Variants in RAB5C observed in about 807,000 individuals in gnomAD.
RAB5C encodes the protein ras-related protein Rab-5C.
RAB5C carries 4 observed loss-of-function variants against 25.2 expected under a neutral mutation model. The ratio of observed to expected loss-of-function variants is 0.16; its 90% confidence interval spans 0.08 to 0.36. RAB5C has a LOEUF of 0.36. Among genes scored for constraint, RAB5C ranks in the 10% least tolerant of loss-of-function variants. The pLI, the probability that RAB5C is intolerant of heterozygous loss-of-function variation, is 1.00. For missense variants in RAB5C, 199 were observed against 283.8 expected (o/e 0.70, Z 2.15); for synonymous variants, 100 against 106.4 (o/e 0.94, Z 0.37).
intron 1 of RAB5C, among the ~76,000 whole-genome samples, chr17:42,139,197 G>A (rs748607238): frequency 6.6e-6 from 1 of 151,708 alleles, no homozygotes; most frequent in African/African-American, 2.4e-5. Context: ...CAGTGTGGTC[G>A]GCCAGTGCTG....
At position 42,154,891 on chromosome 17, in the gene RAB5C, ACGGCGGCTCCGGGG is replaced by A. The variant is rs1199653666; in HGVS notation, c.-101_-89+1del. On this transcript the variant is annotated splice_donor_variant and 5_prime_UTR_variant, in exon 1 of 6. Coordinates refer to ENST00000346213, the MANE Select transcript of RAB5C (RefSeq NM_004583.4). LOFTEE classifies it low-confidence loss of function (5UTR_SPLICE). ...ACCAGGTCCTGGGACAAGCATACTC[ACGGCGGCTCCGGGG>A]CGGCGGCGTTACTTGGGGCCGGGGC... 1 of 152,434 alleles carries A rather than the reference ACGGCGGCTCCGGGG, an allele frequency of 6.6e-6. No individual in the cohort carries two copies. The highest frequency in any genetic ancestry group is 1.9e-4 in the East Asian group (1 of 5,300). The allele number at this position is 152,434 out of a possible 1,614,324, so 9.4% of individuals were successfully genotyped here.
chr17:42,131,187 A>C lies in RAB5C; in HGVS notation c.-88-597T>G, dbSNP rs935734411. ...TTAACATAGCCATTTTTCTCCTGCC[A>C]CCTTCAGAAGGACTGACCGACTTTC... On this transcript the variant is annotated intron_variant, in intron 1 of 5. Transcript: ENST00000346213. Among the ~76,000 whole-genome samples, 3 of 152,134 alleles carry C rather than the reference A, an allele frequency of 2.0e-5. No homozygotes were observed. In the East Asian group the frequency reaches 5.8e-4, roughly 29 times the overall value.
intron 1 of RAB5C, among the ~76,000 whole-genome samples, chr17:42,140,503 ATATATATATATATTTTTTTT>A (rs1168825392): frequency 7.1e-3 from 358 of 50,508 alleles, no homozygotes; most frequent in African/African-American, 0.029. Context: ...ATATATATAT[ATATATATATATATTTTTTTT>A]TTTTTTTTTT....
At chr17:42,147,060 AAGAAAGAAAG>A (rs144111796) in intron 1 of RAB5C, among the ~76,000 whole-genome samples, 1,960 of 151,574 alleles carry the variant, frequency 0.013, 25 homozygotes, top group African/African-American at 0.038. Flanking sequence ...CAGAAAAAGA[AAGAAAGAAAG>A]AAAAAGAAAG....
intron 1 of RAB5C, among the ~76,000 whole-genome samples, chr17:42,151,702 AC>A (rs2079672856): frequency 1.3e-5 from 2 of 152,164 alleles, no homozygotes; most frequent in South Asian, 2.1e-4. Context: ...AGCCATTAGG[AC>A]TTTCAGGTTC....
chr17:42,139,863 A>C (rs2054575175), intron 1 of RAB5C, among the ~76,000 whole-genome samples: 1 of 152,204 alleles, frequency 6.6e-6, no homozygotes, highest in Admixed American at 6.5e-5. Flanking sequence ...ACACGCCACC[A>C]GTCAGTTCTT....
chr17:42,138,126 G>A (rs761113812), intron 1 of RAB5C, among the ~76,000 whole-genome samples: 16 of 152,120 alleles, frequency 1.1e-4, no homozygotes, highest in African/African-American at 1.9e-4. Flanking sequence ...ATGTCTTTTC[G>A]ATGGGGAGAA....
chr17:42,143,018 A>G (rs1052849613), intron 1 of RAB5C, among the ~76,000 whole-genome samples: 1 of 152,236 alleles, frequency 6.6e-6, no homozygotes, highest in African/African-American at 2.4e-5. Flanking sequence ...TAAATTCCAA[A>G]GGAAAGACCA....
Position 42,130,589 on chromosome 17 carries a change from A to G in RAB5C, c.-87T>C. On this transcript the variant is annotated splice_region_variant and 5_prime_UTR_variant, in exon 2 of 6. Coordinates refer to ENST00000346213, the MANE Select transcript of RAB5C (RefSeq NM_004583.4). ...GCACTTAGTGGGGAGGGGGACCTCCAACTGTAAGGGAGAAATGAGAAGTAC... is the reference window on the plus strand; with the variant it reads ...GCACTTAGTGGGGAGGGGGACCTCCGACTGTAAGGGAGAAATGAGAAGTAC... 1 of 1,573,176 alleles carries G rather than the reference A, an allele frequency of 6.4e-7. No homozygotes were observed. Among genetic ancestry groups the G allele is most frequent in the South Asian group, 1.1e-5 (1 of 88,830 alleles).
chr17:42,144,453 T>C (rs2079620000), intron 1 of RAB5C, among the ~76,000 whole-genome samples: 2 of 150,878 alleles, frequency 1.3e-5, no homozygotes, highest in South Asian at 4.2e-4. Context: ...GCAAAACTCA[T>C]CTCCAAAAAA....
At chr17:42,150,318 A>G (rs1272477199) in intron 1 of RAB5C, among the ~76,000 whole-genome samples, 1 of 151,884 alleles carries the variant, frequency 6.6e-6, no homozygotes, top group Non-Finnish European at 1.5e-5. Flanking sequence ...GAGGCTGGGC[A>G]CAATTACCTG....
chr17:42,151,908 A>C (rs1391902325), intron 1 of RAB5C, among the ~76,000 whole-genome samples: 1 of 152,146 alleles, frequency 6.6e-6, no homozygotes, highest in African/African-American at 2.4e-5. Flanking sequence ...AAGAGTTAAG[A>C]GTCTGCCCTT....
At chr17:42,130,233 G>C in intron 2 of RAB5C, 104 bp downstream of exon 2, 1 of 1,453,488 alleles carries the variant, frequency 6.9e-7, no homozygotes, top group Non-Finnish European at 9.2e-7. Flanking sequence ...CACCACAGAC[G>C]CATTTAGTCC....
At chr17:42,151,323 A>G (rs1226215726) in intron 1 of RAB5C, among the ~76,000 whole-genome samples, 1 of 151,748 alleles carries the variant, frequency 6.6e-6, no homozygotes, top group East Asian at 1.9e-4. Flanking sequence ...TGTAGTCCCA[A>G]CTACTCTGGA....
intron 1 of RAB5C, among the ~76,000 whole-genome samples, chr17:42,134,481 G>A: frequency 6.6e-6 from 1 of 152,186 alleles, no homozygotes; most frequent in South Asian, 2.1e-4. Context: ...GGAGGCTGAG[G>A]CACAAGAATT....
chr17:42,153,781 G>A (rs1458038401), intron 1 of RAB5C, among the ~76,000 whole-genome samples: 2 of 152,198 alleles, frequency 1.3e-5, no homozygotes, highest in Admixed American at 6.5e-5. Context: ...CAACAGACAA[G>A]GATCAGTCAA....
chr17:42,149,537 G>A (rs541191154), intron 1 of RAB5C, among the ~76,000 whole-genome samples: 4 of 152,168 alleles, frequency 2.6e-5, no homozygotes, highest in African/African-American at 9.6e-5. Flanking sequence ...AGCCATGATC[G>A]TCCCACTGCA....
At chr17:42,146,705 C>A (rs2079637156) in intron 1 of RAB5C, among the ~76,000 whole-genome samples, 1 of 150,494 alleles carries the variant, frequency 6.6e-6, no homozygotes, top group Non-Finnish European at 1.5e-5. Context: ...GCCAAGATGG[C>A]ATCACTGCAC....
chr17:42,135,867 A>G (rs2054531633), intron 1 of RAB5C, among the ~76,000 whole-genome samples: 3 of 152,212 alleles, frequency 2.0e-5, no homozygotes, highest in African/African-American at 7.2e-5. Flanking sequence ...GTCCTGGCAC[A>G]GCCTGGAGAG....
Sources: gnomAD v4.1 joint callset for allele counts (sites outside exome capture counted in the v4.1 genomes callset) on GRCh38, gnomAD v4.1.1 for gene constraint, MANE v1.5 for transcripts, NCBI Gene and HGNC (gene_info 2026-07-23, HGNC 2026-07-21) for gene names.